Variants in SLC10A7 observed in about 807,000 individuals in gnomAD.
SLC10A7 encodes the protein solute carrier family 10 member 7.
SLC10A7 carries 29 observed loss-of-function variants against 43.2 expected under a neutral mutation model. The ratio of observed to expected loss-of-function variants is 0.67; its 90% confidence interval spans 0.50 to 0.92. The LOEUF (loss-of-function observed/expected upper bound fraction) is 0.92. Ranked by LOEUF, SLC10A7 falls within the 40% of genes least tolerant of loss-of-function variation. The pLI is 0.00. For synonymous variants in SLC10A7, 152 were observed against 144.8 expected, an observed-to-expected ratio of 1.05 and a Z score of -0.35; for missense variants, 295 against 403.2, an observed-to-expected ratio of 0.73 and a Z score of 2.30.
chr4:146,512,136 G>C (rs1265711485), intron 2 of SLC10A7, among the ~76,000 whole-genome samples: 1 of 151,772 alleles, frequency 6.6e-6, no homozygotes, highest in African/African-American at 2.4e-5. Context: ...ACCACACCCA[G>C]CTAATTTTTG....
chr4:146,513,904 T>G (rs939470255), intron 2 of SLC10A7: 4 of 152,246 alleles, frequency 2.6e-5, no homozygotes, highest in Non-Finnish European at 5.9e-5. Flanking sequence ...AAGTTGGCTC[T>G]GCATCATAGT....
chr4:146,281,876 C>G (rs1300178328), intron 10 of SLC10A7, among the ~76,000 whole-genome samples: 2 of 152,164 alleles, frequency 1.3e-5, no homozygotes, highest in Admixed American at 6.5e-5. Flanking sequence ...GATGGGCTCT[C>G]TCATGTAGTC....
intron 4 of SLC10A7, among the ~76,000 whole-genome samples, chr4:146,449,243 G>A (rs951516540): frequency 6.6e-6 from 1 of 152,168 alleles, no homozygotes; most frequent in African/African-American, 2.4e-5. Flanking sequence ...ACTAGAAACA[G>A]CAAAGGTGAG....
At chr4:146,461,600 C>T (rs1732533640) in intron 4 of SLC10A7, among the ~76,000 whole-genome samples, 1 of 151,928 alleles carries the variant, frequency 6.6e-6, no homozygotes, top group African/African-American at 2.4e-5. Context: ...TACACACACC[C>T]CAATGTCTAT....
At chr4:146,301,014 T>C (rs1731126172) in intron 7 of SLC10A7, among the ~76,000 whole-genome samples, 2 of 152,308 alleles carry the variant, frequency 1.3e-5, no homozygotes, top group Non-Finnish European at 2.9e-5. Flanking sequence ...TAGTAACCTA[T>C]GGAGACCACC....
chr4:146,503,990 A>G (rs950352627), intron 3 of SLC10A7, 66 bp from the exon 4 acceptor site: 20 of 1,308,468 alleles, frequency 1.5e-5, no homozygotes, highest in Admixed American at 3.7e-5. Flanking sequence ...CACTACATTC[A>G]TTCTAAAATA....
intron 5 of SLC10A7, among the ~76,000 whole-genome samples, chr4:146,355,900 G>T (rs1374355001): frequency 2.1e-5 from 2 of 97,332 alleles, no homozygotes; most frequent in Admixed American, 1.5e-4. Flanking sequence ...GGGGTGGGGG[G>T]AGGGGGGAGG....
chr4:146,265,608 C>T (rs1230203032), intron 10 of SLC10A7, among the ~76,000 whole-genome samples: 1 of 152,130 alleles, frequency 6.6e-6, no homozygotes, highest in Non-Finnish European at 1.5e-5. Context: ...AGGCAAAACA[C>T]TATATTTTTA....
At chr4:146,292,841 T>G in intron 9 of SLC10A7, 88 bp downstream of exon 9, 1 of 895,480 alleles carries the variant, frequency 1.1e-6, no homozygotes, top group East Asian at 2.7e-5. Context: ...GAGAAAAAAA[T>G]ATAAACGTGT....
At chr4:146,472,151 G>A (rs947564493) in intron 4 of SLC10A7, among the ~76,000 whole-genome samples, 1 of 151,462 alleles carries the variant, frequency 6.6e-6, no homozygotes. Flanking sequence ...AATAATGAAC[G>A]TGCAAAAAAA....
intron 4 of SLC10A7, among the ~76,000 whole-genome samples, chr4:146,469,998 T>C (rs192137359): frequency 6.6e-6 from 1 of 152,274 alleles, no homozygotes; most frequent in African/African-American, 2.4e-5. Context: ...AAATAGAATT[T>C]ATTATTTACT....
At chr4:146,268,603 A>G (rs1728707462) in intron 10 of SLC10A7, among the ~76,000 whole-genome samples, 1 of 152,204 alleles carries the variant, frequency 6.6e-6, no homozygotes, top group Non-Finnish European at 1.5e-5. Context: ...ACTATATGCC[A>G]GGCACTGTTC....
intron 5 of SLC10A7, among the ~76,000 whole-genome samples, chr4:146,336,210 A>G (rs940592876): frequency 6.6e-6 from 1 of 152,122 alleles, no homozygotes; most frequent in Non-Finnish European, 1.5e-5. Context: ...AGGTAAACAA[A>G]TTGGCATGGT....
At chr4:146,396,618 A>T (rs953073441) in intron 5 of SLC10A7, among the ~76,000 whole-genome samples, 2 of 152,146 alleles carry the variant, frequency 1.3e-5, no homozygotes, top group African/African-American at 2.4e-5. Context: ...ATAAAAACAT[A>T]TTAGGATACA....
chr4:146,492,730 C>T (rs1458530666), intron 4 of SLC10A7, among the ~76,000 whole-genome samples: 4 of 152,066 alleles, frequency 2.6e-5, no homozygotes, highest in Non-Finnish European at 4.4e-5. Flanking sequence ...AAAGAGAATA[C>T]GTTGGGAAAG....
chr4:146,423,899 G>A (rs891817783), intron 5 of SLC10A7, among the ~76,000 whole-genome samples: 2 of 152,170 alleles, frequency 1.3e-5, no homozygotes, highest in African/African-American at 4.8e-5. Flanking sequence ...TTACTTATCA[G>A]GGGAATCTAA....
chr4:146,490,934 A>G (rs1368841209), intron 4 of SLC10A7, among the ~76,000 whole-genome samples: 4 of 152,210 alleles, frequency 2.6e-5, no homozygotes, highest in Non-Finnish European at 5.9e-5. Context: ...GGCTACTCCT[A>G]CACTGCATTA....
intron 8 of SLC10A7, among the ~76,000 whole-genome samples, chr4:146,293,611 TATAATAAACTAA>T (rs1730586856): frequency 6.6e-6 from 1 of 152,170 alleles, no homozygotes; most frequent in Admixed American, 6.6e-5. Context: ...AGTTTAAAGC[TATAATAAACTAA>T]ATTGGTGACA....
At chr4:146,487,881 C>T (rs921372465) in intron 4 of SLC10A7, among the ~76,000 whole-genome samples, 1 of 151,032 alleles carries the variant, frequency 6.6e-6, no homozygotes, top group Non-Finnish European at 1.5e-5. Flanking sequence ...TAAGCAACAC[C>T]CTTTCTCTAC....
Sources: gnomAD v4.1 joint callset for allele counts (sites outside exome capture counted in the v4.1 genomes callset) on GRCh38, gnomAD v4.1.1 for gene constraint, MANE v1.5 for transcripts, NCBI Gene and HGNC (gene_info 2026-07-23, HGNC 2026-07-21) for gene names.